SCN11A: variants seen among roughly 807,000 people sequenced by gnomAD.
SCN11A encodes sodium channel protein type 11 subunit alpha.
SCN11A carries 122 observed loss-of-function variants against 162.2 expected under a neutral mutation model. The observed-to-expected ratio is 0.75, with a 90% CI of 0.65 to 0.87. The LOEUF is 0.87. SCN11A is among the 40% of genes least tolerant of loss of function. The pLI, the probability that SCN11A is intolerant of heterozygous loss-of-function variation, is 0.00. For synonymous variants in SCN11A, 758 were observed against 751.5 expected (o/e 1.01, Z -0.14); for missense variants, 2,015 against 2,181.6 (o/e 0.92, Z 1.52).
intron 1 of SCN11A, among the ~76,000 whole-genome samples, chr3:39,044,453 T>C (rs2032137916): frequency 6.6e-6 from 1 of 152,112 alleles, no homozygotes; most frequent in South Asian, 2.1e-4. Context: ...TTTTTTAAAA[T>C]CAAAACCATA....
At chr3:38,869,964 G>GT (rs1443441130) in intron 26 of SCN11A, among the ~76,000 whole-genome samples, 1 of 152,138 alleles carries the variant, frequency 6.6e-6, no homozygotes, top group Admixed American at 6.5e-5. Context: ...CTTTTTAGGT[G>GT]TTAGGCATCA....
chr3:38,963,352 G>GAGATATATAT lies in SCN11A; in HGVS notation c.-279-2930_-279-2929insATATATATCT, dbSNP rs1196119271. Among the ~76,000 whole-genome samples, 58 of 38,272 alleles carry GAGATATATAT rather than the reference G, an allele frequency of 1.5e-3. 1 individual carries two copies. Among genetic ancestry groups the GAGATATATAT allele is most frequent in the Middle Eastern group, 0.016 (1 of 64 alleles). The allele number at this position is 38,272 out of a possible 152,430, so 25.1% of individuals were successfully genotyped here. ...ATAAAGAAACTATATCTATTTGATGGATATATATATATATATATATATATA... is the reference window on the plus strand; with the variant it reads ...ATAAAGAAACTATATCTATTTGATGGAGATATATATATATATATATATATATATATATATA... On this transcript the variant is annotated intron_variant, in intron 2 of 29. Coordinates refer to ENST00000302328, the MANE Select transcript of SCN11A (RefSeq NM_001349253.2).
At chr3:39,006,957 GA>G (rs1242354249) in intron 2 of SCN11A, among the ~76,000 whole-genome samples, 1 of 151,934 alleles carries the variant, frequency 6.6e-6, no homozygotes, top group Non-Finnish European at 1.5e-5. Context: ...ACAAGACATA[GA>G]AAAAAAGTGG....
At chr3:38,942,690 G>T (rs1185350738) in intron 7 of SCN11A, among the ~76,000 whole-genome samples, 2 of 152,142 alleles carry the variant, frequency 1.3e-5, no homozygotes, top group East Asian at 3.8e-4. Context: ...TCTGTGGAAT[G>T]CAGCTAAAGC....
In SCN11A at chr3:39,051,932, C is replaced by T; in HGVS notation, c.-475G>A. ...AACACAACAGCCTGTTTACCTTCAG[C>T]CCCGCCACTAACCCTTGGCCAAAGG... On this transcript the variant is annotated 5_prime_UTR_variant, in exon 1 of 30. Transcript: ENST00000302328. The T allele has an allele frequency of 6.7e-7, 1 of 1,503,636 alleles. No individual in the cohort carries two copies. The highest frequency in any genetic ancestry group is 9.2e-7 in the Non-Finnish European group (1 of 1,085,140). 93.1% of individuals were successfully genotyped at this position (1,503,636 alleles called of 1,614,324 possible).
At chr3:39,006,522 GACAA>G (rs1280663245) in intron 2 of SCN11A, among the ~76,000 whole-genome samples, 2 of 151,562 alleles carry the variant, frequency 1.3e-5, no homozygotes. Flanking sequence ...GAAAGATGGA[GACAA>G]ACCAACCAAT....
chr3:38,885,200 A>G (rs1244178336), intron 21 of SCN11A, 88 bp downstream of exon 21: 8 of 747,884 alleles, frequency 1.1e-5, no homozygotes, highest in East Asian at 2.6e-5. Context: ...TAGAAAGATG[A>G]TATCTACTAA....
chr3:38,976,937 T>C (rs2066853405), intron 2 of SCN11A, among the ~76,000 whole-genome samples: 1 of 152,202 alleles, frequency 6.6e-6, no homozygotes, highest in Admixed American at 6.5e-5. Context: ...AGTGATTTAT[T>C]ATTATATGTA....
At position 38,958,053 on chromosome 3, in the gene SCN11A, C is replaced by A. The variant is rs118169076; in HGVS notation, c.-139+2230G>T. Among the ~76,000 whole-genome samples the A allele has an allele frequency of 1.2e-3, 177 of 152,314 alleles. 1 individual carries two copies. The East Asian group carries it at 0.03, about 26-fold the overall frequency. On this transcript the variant is annotated intron_variant, in intron 3 of 29. Transcript: ENST00000302328. ...TAGTGTGAAAGCACTGAGGGCTGCACACGGACTCCTGGCTCTTATTTATGA... is the reference window on the plus strand; with the variant it reads ...TAGTGTGAAAGCACTGAGGGCTGCAAACGGACTCCTGGCTCTTATTTATGA...
Position 38,848,315 on chromosome 3 carries a change from A to T in SCN11A, c.4328-573T>A, listed in dbSNP as rs556293221. Among the ~76,000 whole-genome samples the T allele has an allele frequency of 5.9e-5, 9 of 152,300 alleles. No individual in the cohort carries two copies. In the South Asian group the frequency reaches 1.9e-3, roughly 32 times the overall value. ...TAAGACAATTCACATTTTGGCCTAA[A>T]CATTATAGAATGGTTGGAACATGCT... On this transcript the variant is annotated intron_variant, in intron 29 of 29. Transcript: ENST00000302328.
rs145774335 is a variant in SCN11A, at chr3:38,986,172, C to T, written c.-279-25749G>A. ...ATTGTGGGAGGAGACTACACATGGGCATGAATACTAGGAGCTGAGAATCAC... is the reference window on the plus strand; with the variant it reads ...ATTGTGGGAGGAGACTACACATGGGTATGAATACTAGGAGCTGAGAATCAC... On this transcript the variant is annotated intron_variant, in intron 2 of 29. Coordinates refer to ENST00000302328, the MANE Select transcript of SCN11A (RefSeq NM_001349253.2). Among the ~76,000 whole-genome samples, 3 of 150,922 alleles carry T rather than the reference C, an allele frequency of 2.0e-5. No homozygotes were observed. The East Asian group carries it at 5.8e-4, about 29-fold the overall frequency.
chr3:38,944,958 T>C (rs757403275), intron 7 of SCN11A, among the ~76,000 whole-genome samples: 110 of 146,920 alleles, frequency 7.5e-4, no homozygotes, highest in Non-Finnish European at 1.4e-3. Flanking sequence ...AGCAAAACCC[T>C]GTCTCAAAAA....
intron 14 of SCN11A, among the ~76,000 whole-genome samples, chr3:38,907,658 C>T (rs1490766034): frequency 6.6e-6 from 1 of 152,092 alleles, no homozygotes; most frequent in Non-Finnish European, 1.5e-5. Context: ...CTCATAACTG[C>T]CTTCTTATCA....
chr3:38,884,902 G>C (rs1575244755), intron 21 of SCN11A, among the ~76,000 whole-genome samples: 1 of 152,382 alleles, frequency 6.6e-6, no homozygotes, highest in African/African-American at 2.4e-5. Flanking sequence ...AGCTCAGGCA[G>C]TCTGGCTTCT....
intron 19 of SCN11A, among the ~76,000 whole-genome samples, chr3:38,892,322 C>A (rs955891419): frequency 1.3e-5 from 2 of 152,148 alleles, no homozygotes; most frequent in South Asian, 2.1e-4. Context: ...AATGGTAATA[C>A]AACACACAAG....
At chr3:39,039,281 A>C (rs1277039679) in intron 1 of SCN11A, among the ~76,000 whole-genome samples, 2 of 152,246 alleles carry the variant, frequency 1.3e-5, no homozygotes, top group Non-Finnish European at 2.9e-5. Flanking sequence ...AAATTGTTTT[A>C]AGTGGGTCAT....
chr3:38,995,815 A>ATCTG (rs57106365), intron 2 of SCN11A, among the ~76,000 whole-genome samples: 1 of 133,666 alleles, frequency 7.5e-6, no homozygotes, highest in South Asian at 2.2e-4. Context: ...CTATCTATCT[A>ATCTG]TCTGTCTATC....
chr3:38,907,898 T>G (rs755294251), intron 14 of SCN11A, 51 bp downstream of exon 14: 5 of 1,471,460 alleles, frequency 3.4e-6, no homozygotes, highest in Non-Finnish European at 3.7e-6. Context: ...CAATTGGACC[T>G]GTCCCCCTGG....
rs556047848 is a variant in SCN11A, at chr3:38,915,896, T to G, written c.959+4039A>C. On this transcript the variant is annotated intron_variant, in intron 11 of 29. Coordinates refer to ENST00000302328, the MANE Select transcript of SCN11A (RefSeq NM_001349253.2). ...CCAGTGATCTGTCTAATACTGTCAG[T>G]GCTGTGTTGAAGTCTCCCACTATTA... Among the ~76,000 whole-genome samples, 7 of 152,298 alleles carry G rather than the reference T, an allele frequency of 4.6e-5. No homozygotes were observed. The East Asian group carries it at 1.2e-3, about 25-fold the overall frequency.
Sources: gnomAD v4.1 joint callset for allele counts (sites outside exome capture counted in the v4.1 genomes callset) on GRCh38, gnomAD v4.1.1 for gene constraint, MANE v1.5 for transcripts, NCBI Gene and HGNC (gene_info 2026-07-23, HGNC 2026-07-21) for gene names.